SLC35A2: variants seen among roughly 807,000 people sequenced by gnomAD.
SLC35A2 encodes solute carrier family 35 member A2.
In SLC35A2, 1 loss-of-function variant was observed where a neutral mutation model predicts 17.3. That is an observed-to-expected ratio of 0.06 (90% confidence interval 0.02 to 0.27). The LOEUF (loss-of-function observed/expected upper bound fraction) is 0.27. Among genes scored for constraint, SLC35A2 ranks in the 10% least tolerant of loss-of-function variants. The probability of loss-of-function intolerance (pLI) is 1.00; values close to 1 mark genes in which losing one functional copy is unlikely to be tolerated. For synonymous variants in SLC35A2, 161 were observed against 161.3 expected, an observed-to-expected ratio of 1.00 and a Z score of 0.01; for missense variants, 191 against 339.3, an observed-to-expected ratio of 0.56 and a Z score of 3.43.
At position 48,904,551 on chromosome X, in the gene SLC35A2, C is replaced by G. The variant is rs372522575; in HGVS notation, c.1163+195G>C. ...GGGTCACCCTACCAGGAAGGGTTCA[C>G]GTGACACCCAGCTCTAGTCCCACAC... On this transcript the variant is annotated intron_variant, in intron 4 of 4. Transcript: ENST00000247138. 7 of 1,177,996 alleles carry G rather than the reference C, an allele frequency of 5.9e-6. No individual in the cohort carries two copies. In the African/African-American group the frequency reaches 7.1e-5, roughly 12 times the overall value.
At chrX:48,907,099 G>A (rs1221473707) in intron 2 of SLC35A2, among the ~76,000 whole-genome samples, 2 of 105,614 alleles carry the variant, frequency 1.9e-5, no homozygotes, top group Non-Finnish European at 3.9e-5. Context: ...AACCTGGGAG[G>A]TGGAGGTTGC....
chrX:48,907,168 CAAAA>C, intron 2 of SLC35A2, among the ~76,000 whole-genome samples: 1 of 52,213 alleles, frequency 1.9e-5, no homozygotes, highest in Admixed American at 2.5e-4. Flanking sequence ...GACTCCATCT[CAAAA>C]AAAAAAAAAA....
chrX:48,904,841 G>GGAGGCGGAGGCA lies in SLC35A2; in HGVS notation c.1056_1067dup (p.Ala353_Ser356dup). On this transcript the variant is annotated inframe_insertion, in exon 4 of 5. Transcript: ENST00000247138. ...GAGGCTGCTGGTGAACGCAGGGCCC[G>GGAGGCGGAGGCA]GAGGCGGAGGCAGAGGCAGAGGCTA... 1 of 1,211,421 alleles carries GGAGGCGGAGGCA rather than the reference G, an allele frequency of 8.3e-7. No individual in the cohort carries two copies. Among genetic ancestry groups the GGAGGCGGAGGCA allele is most frequent in the Non-Finnish European group, 1.1e-6 (1 of 895,286 alleles).
Position 48,906,385 on chromosome X carries a change from G to A in SLC35A2, c.426+7C>T. 1 of 1,209,165 alleles carries A rather than the reference G, an allele frequency of 8.3e-7. No individual in the cohort carries two copies. Among genetic ancestry groups the A allele is most frequent in the Non-Finnish European group, 1.1e-6 (1 of 893,700 alleles). On this transcript the variant is annotated splice_region_variant and intron_variant, in intron 3 of 4. Coordinates refer to ENST00000247138, the MANE Select transcript of SLC35A2 (RefSeq NM_005660.3). The stretch of plus-strand genomic sequence containing the variant: ...TCCTCTGGGGCCATGCTGGGCTTGG[G>A]GCTCACCTGGAAAGTGGCAGCTGGT...
intron 2 of SLC35A2, among the ~76,000 whole-genome samples, chrX:48,908,898 C>T (rs781964605): frequency 8.9e-6 from 1 of 112,449 alleles, no homozygotes; most frequent in East Asian, 2.8e-4. Flanking sequence ...AATTGGGCAA[C>T]ACTTCAAAGT....
rs1350290503 is a variant in SLC35A2 at position 48,911,530 on chromosome X, G to A, written c.91+16C>T. ...ACCTCCGCCTCCCATGCGACTGCTC[G>A]GGCAGACTGTCTCACCCGCACTGGC... On this transcript the variant is annotated intron_variant, in intron 1 of 4. Transcript: ENST00000247138. 2 of 1,158,465 alleles carry A rather than the reference G, an allele frequency of 1.7e-6. No individual in the cohort carries two copies. The highest frequency in any genetic ancestry group is 2.3e-6 in the Non-Finnish European group (2 of 872,910).
At chrX:48,911,706 G>C (rs2063537458), upstream of SLC35A2, 5 of 1,154,267 alleles carry the variant, frequency 4.3e-6, no homozygotes, top group Admixed American at 1.3e-4. Flanking sequence ...TTCCGCTGCC[G>C]GGCCACCTGA....
chrX:48,910,305 G>C, intron 1 of SLC35A2: 1 of 1,133,649 alleles, frequency 8.8e-7, no homozygotes, highest in Non-Finnish European at 1.2e-6. Context: ...TTCCTCCCAA[G>C]TGAGAAGCAA....
intron 1 of SLC35A2, among the ~76,000 whole-genome samples, chrX:48,910,924 T>C (rs2063528327): frequency 9.1e-6 from 1 of 110,415 alleles, no homozygotes; most frequent in Non-Finnish European, 1.9e-5. Flanking sequence ...TTCCTTGCTC[T>C]ACCCACACTC....
At chrX:48,911,934 C>G, upstream of SLC35A2, 2 of 1,167,313 alleles carry the variant, frequency 1.7e-6, no homozygotes, top group Non-Finnish European at 1.1e-6. Flanking sequence ...CTTCACTGAT[C>G]GCGCTTTCCA....
At chrX:48,911,501 C>T (rs1438336819) in intron 1 of SLC35A2, 45 bp downstream of exon 1, 4 of 1,154,760 alleles carry the variant, frequency 3.5e-6, no homozygotes, top group African/African-American at 3.6e-5. Context: ...TCCCAGCGAT[C>T]CCGACCTCCG....
intron 4 of SLC35A2, chrX:48,903,941 C>T (rs903350023): frequency 1.3e-6 from 1 of 760,539 alleles, no homozygotes; most frequent in African/African-American, 2.3e-5. Flanking sequence ...TCCTAGACAT[C>T]TCCAAAAATA....
At position 48,905,218 on chromosome X, in the gene SLC35A2, C is replaced by T. The variant is rs939923485; in HGVS notation, c.691G>A (p.Val231Met). ...CCCAGTTGCAGGTTGCGCAGCCACA[C>T]GGAGCCTGAGCTGCCTTTGAGGATC... ...EKILKGSSGS[V>M]WLRNLQLGLF... is the part of the protein sequence containing the mutation. Residue 231 changes from valine (V) to methionine (M), a missense_variant, in exon 4 of 5, where the codon GTG (valine) becomes ATG (methionine). Physicochemically the swap from Val to Met is conservative, Grantham distance 21 (BLOSUM62 1). Around this residue, in one of 2 missense-constraint regions of SLC35A2, gnomAD observed 164 missense variants for 315.3 expected, o/e 0.52. Coordinates refer to ENST00000247138, the MANE Select transcript of SLC35A2 (RefSeq NM_005660.3). 7 of 1,208,600 alleles carry T rather than the reference C, an allele frequency of 5.8e-6. No homozygotes were observed. The highest frequency in any genetic ancestry group is 2.2e-5 in the Admixed American group (1 of 45,782).
At chrX:48,907,753 G>C (rs2063501694) in intron 2 of SLC35A2, among the ~76,000 whole-genome samples, 1 of 112,081 alleles carries the variant, frequency 8.9e-6, no homozygotes, top group African/African-American at 3.2e-5. Context: ...TGGGCGCAGT[G>C]GCTCACGCCT....
chrX:48,904,763 C>T lies in SLC35A2; in HGVS notation c.1146G>A (p.Thr382=), dbSNP rs782707859. Residue 382 remains threonine (T), a synonymous_variant, in exon 4 of 5, where the codon ACG becomes ACA. Transcript: ENST00000247138. The part of the protein sequence containing the change: ...QLSSHRGDLI[T]EPFLPKLLTK... ...GCACTGACTTTGGCAGAAAGGGCTC[C>T]GTGATGAGGTCTCCACGGTGGGAAG... 3.1e-5 allele frequency: 37 copies of T among 1,209,749 alleles called. No homozygotes were observed. Among genetic ancestry groups the T allele is most frequent in the African/African-American group, 3.5e-5 (2 of 57,153 alleles).
chrX:48,904,368 G>A (rs1295589840), intron 4 of SLC35A2: 14 of 1,070,633 alleles, frequency 1.3e-5, no homozygotes, highest in Admixed American at 4.3e-5. Context: ...GGGACTGCTG[G>A]GAGGGACTCT....
At chrX:48,903,582 T>A in intron 4 of SLC35A2, 117 bp from the exon 5 acceptor site, 1 of 558,511 alleles carries the variant, frequency 1.8e-6, no homozygotes, top group Admixed American at 3.1e-5. Flanking sequence ...TTAGTAATGG[T>A]GCCCACCTGG....
At chrX:48,904,693 C>G in intron 4 of SLC35A2, 53 bp downstream of exon 4, 1 of 1,210,874 alleles carries the variant, frequency 8.3e-7, no homozygotes, top group East Asian at 3.0e-5. Flanking sequence ...CACCCCAGTC[C>G]CCCTCCCTTG....
Position 48,905,044 on chromosome X carries a change from C to T in SLC35A2, c.865G>A (p.Val289Ile). ...TTGAGGATATTGTCAGCGTACTTGA[C>T]AACCACAGCCACCAGTAGCCCGCCG... ...AFGGLLVAVV[V>I]KYADNILKGF... The change falls in exon 4 of 5, where the codon GTC (valine) becomes ATC (isoleucine). Residue 289 changes from valine to isoleucine, a missense_variant. By Grantham distance (29) the Val-to-Ile change is conservative (BLOSUM62 3). Coordinates refer to ENST00000247138, the MANE Select transcript of SLC35A2 (RefSeq NM_005660.3). The T allele has an allele frequency of 8.3e-7, 1 of 1,210,695 alleles. No individual in the cohort carries two copies. Among genetic ancestry groups the T allele is most frequent in the Non-Finnish European group, 1.1e-6 (1 of 894,742 alleles).
Sources: allele counts gnomAD v4.1 joint callset (sites outside exome capture counted in the v4.1 genomes callset), GRCh38; gene constraint gnomAD v4.1.1; regional missense constraint gnomAD v4.1.1; transcripts MANE v1.5; gene names NCBI Gene and HGNC (gene_info 2026-07-23, HGNC 2026-07-21).